Variants in SNAPC4 observed in about 807,000 individuals in gnomAD.
SNAPC4 encodes the protein snRNA-activating protein complex subunit 4.
A neutral mutation model predicts 151.3 loss-of-function variants in SNAPC4; 127 were observed. The observed-to-expected ratio is 0.84, with a 90% CI of 0.73 to 0.97. The LOEUF is 0.97. Among genes scored for constraint, SNAPC4 ranks in the 50% least tolerant of loss-of-function variants. SNAPC4 has a pLI of 0.00. For missense variants in SNAPC4, 2,186 were observed against 1,935.0 expected, an observed-to-expected ratio of 1.13 and a Z score of -2.43; for synonymous variants, 1,002 against 824.4, an observed-to-expected ratio of 1.22 and a Z score of -3.69.
chr9:136,382,763 G>A (rs2131470334), intron 16 of SNAPC4, among the ~76,000 whole-genome samples: 1 of 152,332 alleles, frequency 6.6e-6, no homozygotes, highest in East Asian at 1.9e-4. Context: ...AGATGGGCCT[G>A]ACACGGTGAA....
Position 136,387,473 on chromosome 9 carries a change from T to G in SNAPC4, c.1325+12A>C, listed in dbSNP as rs1253605817. The stretch of plus-strand genomic sequence containing the variant: ...CACGGGCCCCTCCCTCGCTCAGCGC[T>G]GTGCGACTCACCGATCTCGGCACTG... On this transcript the variant is annotated intron_variant, in intron 13 of 23. Coordinates refer to ENST00000684778, the MANE Select transcript of SNAPC4 (RefSeq NM_003086.4). 2.5e-6 allele frequency: 4 copies of G among 1,590,294 alleles called. No individual in the cohort carries two copies. In the African/African-American group the frequency reaches 5.4e-5, roughly 21 times the overall value.
intron 2 of SNAPC4, among the ~76,000 whole-genome samples, chr9:136,397,793 G>A (rs1041369239): frequency 6.6e-6 from 1 of 151,900 alleles, no homozygotes; most frequent in Non-Finnish European, 1.5e-5. Flanking sequence ...AGGGGTGTGA[G>A]CTGTGTTGAC....
chr9:136,394,624 C>T (rs1224760272), intron 6 of SNAPC4, among the ~76,000 whole-genome samples, 176 bp downstream of exon 6: 1 of 152,148 alleles, frequency 6.6e-6, no homozygotes, highest in East Asian at 1.9e-4. Context: ...CTGGAAAGGA[C>T]CTGCTCAGTG....
rs1833829182 is a variant in SNAPC4, at chr9:136,384,701, C to CA, written c.1420+18dup. On this transcript the variant is annotated intron_variant, in intron 14 of 23. Coordinates refer to ENST00000684778, the MANE Select transcript of SNAPC4 (RefSeq NM_003086.4). ...AAACAAAAAAAAGAAACTAGAAGAA[C>CA]AAACTGTCAGCAACTTACCGACACC... 1 of 1,229,010 alleles carries CA rather than the reference C, an allele frequency of 8.1e-7. No homozygotes were observed. The highest frequency in any genetic ancestry group is 1.5e-5 in the African/African-American group (1 of 65,594). 76.1% of individuals were successfully genotyped at this position (1,229,010 alleles called of 1,614,324 possible).
In SNAPC4 at chr9:136,395,619, T is replaced by G; in HGVS notation, c.329A>C (p.Gln110Pro). ...CCATCCCACCTGCTGCTCCCGGTTCTGGGCCAGCAGCAGGTTGGCCTCAGC... is the reference window on the plus strand; with the variant it reads ...CCATCCCACCTGCTGCTCCCGGTTCGGGGCCAGCAGCAGGTTGGCCTCAGC... ...KLAEANLLLAQNREQQEELMR... is the reference protein window; with the variant it reads ...KLAEANLLLAPNREQQEELMR... The change falls in exon 4 of 24, where the codon CAG (glutamine) becomes CCG (proline). Residue 110 changes from glutamine (Q) to proline (P), a missense_variant. By Grantham distance (76) the Gln-to-Pro change is moderately conservative. Coordinates refer to ENST00000684778, the MANE Select transcript of SNAPC4 (RefSeq NM_003086.4). The G allele has an allele frequency of 6.2e-7, 1 of 1,611,844 alleles. No homozygotes were observed. The highest frequency in any genetic ancestry group is 8.5e-7 in the Non-Finnish European group (1 of 1,179,302).
Position 136,383,675 on chromosome 9 carries a change from GGAGGA to G in SNAPC4, c.1501-12_1501-8del. The G allele has an allele frequency of 6.3e-7, 1 of 1,594,052 alleles. No individual in the cohort carries two copies. On this transcript the variant is annotated splice_polypyrimidine_tract_variant and splice_region_variant and intron_variant, in intron 15 of 23. Transcript: ENST00000684778. This position sits in a 1 kb window ranked among gnomAD's most constrained non-coding sequence, Gnocchi z 4.2. ...TCCGGAGACCCTGCTTCTTCTGAGG[GGAGGA>G]AAGAGCTACTTAGAGGCCTTGGCAA...
At position 136,377,953 on chromosome 9, in the gene SNAPC4, C is replaced by T. The variant is rs777210011; in HGVS notation, c.3874G>A (p.Val1292Met). Reference sequence around the variant, plus strand: ...CTGCTGCCCAGAAGAGGCACACGCACCCCCCGCTGGCCCCCCAGCCACTGC... The same window carrying T: ...CTGCTGCCCAGAAGAGGCACACGCATCCCCCGCTGGCCCCCCAGCCACTGC... Reference protein sequence around the residue: ...TQQWLGGQRGVRVPLLGSRLP... With the variant: ...TQQWLGGQRGMRVPLLGSRLP... Residue 1292 changes from valine to methionine, a missense_variant, in exon 22 of 24, where the codon GTG becomes ATG. Physicochemically the swap from Val to Met is conservative, Grantham distance 21. Transcript: ENST00000684778. 2 of 1,601,768 alleles carry T rather than the reference C, an allele frequency of 1.2e-6. No homozygotes were observed. Among genetic ancestry groups the T allele is most frequent in the African/African-American group, 1.3e-5 (1 of 74,708 alleles).
In SNAPC4 at chr9:136,388,585, G is replaced by T; in HGVS notation, c.982C>A (p.Arg328Ser). The part of the protein sequence containing the change: ...QKIAEELGTS[R>S]SAFQCLQKFQ... ...TTCTGCAGGCACTGGAAGGCGCTGCGGCTGGTCTTCCCAGGCCCAAACAAA... is the reference window on the plus strand; with the variant it reads ...TTCTGCAGGCACTGGAAGGCGCTGCTGCTGGTCTTCCCAGGCCCAAACAAA... The change falls in exon 11 of 24, where the codon CGC (arginine) becomes AGC (serine). Residue 328 changes from arginine to serine, a missense_variant. By Grantham distance (110) the Arg-to-Ser change is moderately radical. Coordinates refer to ENST00000684778, the MANE Select transcript of SNAPC4 (RefSeq NM_003086.4). The T allele has an allele frequency of 6.2e-7, 1 of 1,613,990 alleles. No individual in the cohort carries two copies. Among genetic ancestry groups the T allele is most frequent in the Non-Finnish European group, 8.5e-7 (1 of 1,180,020 alleles).
At chr9:136,391,539 A>C (rs1228259966) in intron 10 of SNAPC4, among the ~76,000 whole-genome samples, 1 of 147,896 alleles carries the variant, frequency 6.8e-6, no homozygotes, top group Non-Finnish European at 1.5e-5. Context: ...AAGAGACCCA[A>C]GTCAGTAAAG....
At position 136,379,717 on chromosome 9, in the gene SNAPC4, C is replaced by T. The variant is rs1588740891; in HGVS notation, c.2527+120G>A. On this transcript the variant is annotated intron_variant, in intron 21 of 23. Transcript: ENST00000684778. ...GGTGGGACTCGAGGGAGCTCTGTCA[C>T]CAGGGGCCACAGGCTGTGCTGCTTG... The T allele has an allele frequency of 1.7e-5, 16 of 954,558 alleles. No homozygotes were observed. In the East Asian group the frequency reaches 4.2e-4, roughly 25 times the overall value. 59.1% of individuals were successfully genotyped at this position (954,558 alleles called of 1,614,324 possible).
At chr9:136,394,609 G>A (rs1426690259) in intron 6 of SNAPC4, among the ~76,000 whole-genome samples, 191 bp downstream of exon 6, 1 of 152,244 alleles carries the variant, frequency 6.6e-6, no homozygotes, top group Non-Finnish European at 1.5e-5. Context: ...CTCGTGACTG[G>A]TGTTCTGGAA....
At position 136,377,612 on chromosome 9, in the gene SNAPC4, G is replaced by T. The variant is rs779483694; in HGVS notation, c.4215C>A (p.Leu1405=). The change falls in exon 22 of 24, where the codon CTC becomes CTA. Residue 1405 remains leucine, a synonymous_variant. Transcript: ENST00000684778. ...TGTCTGCAAGTTCCAGCTCACTCAG[G>T]AGGTCTTCATCCTCACTCTCAGAGC... The part of the protein sequence containing the change: ...RVGSESEDED[L]LSELELADRD... 1 of 1,557,166 alleles carries T rather than the reference G, an allele frequency of 6.4e-7. No homozygotes were observed. Among genetic ancestry groups the T allele is most frequent in the Non-Finnish European group, 8.7e-7 (1 of 1,149,262 alleles).
At position 136,382,323 on chromosome 9, in the gene SNAPC4, A is replaced by T. The variant is rs1833728749; in HGVS notation, c.1997T>A (p.Leu666Gln). 6.2e-7 allele frequency: 1 copy of T among 1,613,014 alleles called. No individual in the cohort carries two copies. The highest frequency in any genetic ancestry group is 8.5e-7 in the Non-Finnish European group (1 of 1,179,948). Residue 666 changes from leucine (L) to glutamine (Q), a missense_variant, in exon 17 of 24, where the codon CTG (leucine) becomes CAG (glutamine). Leu to Gln is a moderately radical substitution (Grantham distance 113, BLOSUM62 -2). Coordinates refer to ENST00000684778, the MANE Select transcript of SNAPC4 (RefSeq NM_003086.4). ...EKQALEGGRRLLTVPVETVLR... is the reference protein window; with the variant it reads ...EKQALEGGRRQLTVPVETVLR... Reference sequence around the variant, plus strand: ...CACGGTCTCCACAGGCACTGTCAGCAGACGCCTCCCACCCTGATGAGAAAG... The same window carrying T: ...CACGGTCTCCACAGGCACTGTCAGCTGACGCCTCCCACCCTGATGAGAAAG...
At position 136,383,752 on chromosome 9, in the gene SNAPC4, G is replaced by A. The variant is rs1833793968; in HGVS notation, c.1501-84C>T. On this transcript the variant is annotated intron_variant, in intron 15 of 23. Coordinates refer to ENST00000684778, the MANE Select transcript of SNAPC4 (RefSeq NM_003086.4). This position sits in a 1 kb window ranked among gnomAD's most constrained non-coding sequence, Gnocchi z 4.2. ...AGCAAGCAGGCCAGCCCTTTGGGGAGAGGCCCAAGCGGGGGCGCCTCCGGG... is the reference window on the plus strand; with the variant it reads ...AGCAAGCAGGCCAGCCCTTTGGGGAAAGGCCCAAGCGGGGGCGCCTCCGGG... The A allele has an allele frequency of 3.9e-6, 6 of 1,529,590 alleles. No individual in the cohort carries two copies. Among genetic ancestry groups the A allele is most frequent in the Non-Finnish European group, 5.3e-6 (6 of 1,130,588 alleles). The allele number at this position is 1,529,590 out of a possible 1,614,324, so 94.8% of individuals were successfully genotyped here.
In SNAPC4 at chr9:136,379,794, C is replaced by G. The variant is rs953609767; in HGVS notation, c.2527+43G>C. Reference sequence around the variant, plus strand: ...GGTTAGGCCTCTTCCCCGCCAGGGCCAGGTTAGGTCTCTTCCCCACCAGGG... The same window carrying G: ...GGTTAGGCCTCTTCCCCGCCAGGGCGAGGTTAGGTCTCTTCCCCACCAGGG... On this transcript the variant is annotated intron_variant, in intron 21 of 23. Transcript: ENST00000684778. The G allele has an allele frequency of 3.7e-6, 6 of 1,600,666 alleles. No homozygotes were observed. In the African/African-American group the frequency reaches 6.7e-5, roughly 18 times the overall value.
At chr9:136,398,479 G>A (rs185872363) in intron 1 of SNAPC4, 42 bp from the exon 2 acceptor site, 13 of 1,593,890 alleles carry the variant, frequency 8.2e-6, no homozygotes, top group Middle Eastern at 1.7e-4. Context: ...AACCAAGACC[G>A]TGCCGGGATC....
At position 136,377,735 on chromosome 9, in the gene SNAPC4, C is replaced by T. The variant is rs1833506518; in HGVS notation, c.4092G>A (p.Leu1364=). ...TGAAGGCTGCCAGGAACCGCGCCCG[C>T]AACAGGAGGTAGGCCGGGTTGTCCT... is the stretch of plus-strand genomic sequence containing the variant. ...QLQDNPAYLL[L]RARFLAAFTL... Residue 1364 remains leucine (L), a synonymous_variant, in exon 22 of 24, where the codon TTG becomes TTA. Transcript: ENST00000684778. 1 of 1,609,846 alleles carries T rather than the reference C, an allele frequency of 6.2e-7. No individual in the cohort carries two copies. The highest frequency in any genetic ancestry group is 1.3e-5 in the African/African-American group (1 of 74,880).
intron 7 of SNAPC4, among the ~76,000 whole-genome samples, chr9:136,393,776 A>G (rs565189203): frequency 9.2e-4 from 140 of 152,324 alleles, no homozygotes; most frequent in African/African-American, 3.1e-3. Flanking sequence ...AGCCCCCTTC[A>G]TGGGGAAGGG....
At chr9:136,387,923 C>CA in intron 11 of SNAPC4, 75 bp from the exon 12 acceptor site, 1 of 882,768 alleles carries the variant, frequency 1.1e-6, no homozygotes, top group Non-Finnish European at 1.9e-6. Context: ...CTAGGGACAA[C>CA]AGGGTCCCGT....
Sources: allele counts gnomAD v4.1 joint callset (sites outside exome capture counted in the v4.1 genomes callset), GRCh38; gene constraint gnomAD v4.1.1; non-coding constraint Gnocchi (gnomAD v3.1); transcripts MANE v1.5; gene names NCBI Gene and HGNC (gene_info 2026-07-23, HGNC 2026-07-21).